Variants in LAMA2 observed in about 807,000 individuals in gnomAD.
The protein encoded by LAMA2 is laminin subunit alpha-2.
LAMA2 carries 269 observed loss-of-function variants against 364.8 expected under a neutral mutation model. That is an observed-to-expected ratio of 0.74 (90% CI 0.67 to 0.82). LAMA2 has a LOEUF of 0.82. Ranked by LOEUF, LAMA2 falls within the 40% of genes least tolerant of loss-of-function variation. The pLI is 0.00. For missense variants in LAMA2, 3,807 were observed against 3,873.2 expected, an observed-to-expected ratio of 0.98 and a Z score of 0.45; for synonymous variants, 1,379 against 1,370.6, an observed-to-expected ratio of 1.01 and a Z score of -0.14.
At chr6:129,485,156 A>C (rs961529045) in intron 55 of LAMA2, among the ~76,000 whole-genome samples, 1 of 152,164 alleles carries the variant, frequency 6.6e-6, no homozygotes, top group Non-Finnish European at 1.5e-5. Flanking sequence ...AGAATACCAG[A>C]TCAAATATTC....
At chr6:129,143,400 T>G (rs1778244846) in intron 4 of LAMA2, among the ~76,000 whole-genome samples, 1 of 152,060 alleles carries the variant, frequency 6.6e-6, no homozygotes, top group Admixed American at 6.6e-5. Context: ...TTGTCTAGTT[T>G]TCCTTGTAAT....
chr6:129,327,190 G>A (rs751250603), intron 28 of LAMA2, among the ~76,000 whole-genome samples: 2 of 152,072 alleles, frequency 1.3e-5, no homozygotes, highest in Non-Finnish European at 2.9e-5. Flanking sequence ...GTGCTTAATT[G>A]AAGTACTTTT....
chr6:129,183,783 T>C (rs1781070296), intron 10 of LAMA2, among the ~76,000 whole-genome samples: 1 of 151,886 alleles, frequency 6.6e-6, no homozygotes, highest in South Asian at 2.1e-4. Context: ...TCTTTTCTTT[T>C]ATGATCTCAT....
intron 35 of LAMA2, among the ~76,000 whole-genome samples, chr6:129,385,556 A>T (rs1292951425): frequency 6.6e-6 from 1 of 152,142 alleles, no homozygotes; most frequent in Non-Finnish European, 1.5e-5. Context: ...GTTTGGATAG[A>T]TGTACTATTC....
At chr6:129,363,253 A>AG (rs1777571014) in intron 32 of LAMA2, among the ~76,000 whole-genome samples, 1 of 152,166 alleles carries the variant, frequency 6.6e-6, no homozygotes, top group African/African-American at 2.4e-5. Flanking sequence ...GCAGTGAGTC[A>AG]TGATCACACC....
chr6:129,354,062 G>A (rs370979438), intron 32 of LAMA2, among the ~76,000 whole-genome samples: 2 of 152,118 alleles, frequency 1.3e-5, no homozygotes, highest in Non-Finnish European at 1.5e-5. Flanking sequence ...AGGAAGGAGT[G>A]CTCTTCTATA....
At chr6:129,394,022 T>C (rs1362668756) in intron 37 of LAMA2, among the ~76,000 whole-genome samples, 1 of 152,232 alleles carries the variant, frequency 6.6e-6, no homozygotes, top group East Asian at 1.9e-4. Context: ...GAACTAGAAC[T>C]AAAACAGATT....
At chr6:129,116,309 GT>G (rs913122521) in intron 4 of LAMA2, among the ~76,000 whole-genome samples, 9 of 152,210 alleles carry the variant, frequency 5.9e-5, no homozygotes, top group Admixed American at 3.9e-4. Flanking sequence ...TTGTTCGAAA[GT>G]TGTTCAAAAT....
intron 56 of LAMA2, among the ~76,000 whole-genome samples, chr6:129,487,719 G>A (rs1267638741): frequency 6.6e-6 from 1 of 152,098 alleles, no homozygotes. Context: ...TTATTATTAG[G>A]TAGAGGATTA....
intron 39 of LAMA2, 99 bp from the exon 40 acceptor site, chr6:129,403,722 G>A: frequency 9.4e-7 from 1 of 1,064,162 alleles, no homozygotes; most frequent in Admixed American, 1.7e-5. Flanking sequence ...AGATATATTG[G>A]CCATGATCAT....
chr6:128,904,920 C>T (rs1450923923), intron 1 of LAMA2, among the ~76,000 whole-genome samples: 1 of 152,168 alleles, frequency 6.6e-6, no homozygotes, highest in African/African-American at 2.4e-5. Context: ...TGGGAGATAA[C>T]AGAATAACGT....
chr6:129,225,831 C>T (rs1784222941), intron 12 of LAMA2, among the ~76,000 whole-genome samples: 1 of 152,190 alleles, frequency 6.6e-6, no homozygotes, highest in Non-Finnish European at 1.5e-5. Context: ...GTGGAGAGTT[C>T]TGCAAATGTC....
intron 57 of LAMA2, 99 bp downstream of exon 57, chr6:129,492,176 G>T: frequency 1.4e-6 from 2 of 1,396,366 alleles, no homozygotes; most frequent in East Asian, 4.6e-5. Context: ...ATGCAGGGGA[G>T]GAGGGAAACA....
chr6:129,292,703 C>A, intron 20 of LAMA2: 2 of 577,858 alleles, frequency 3.5e-6, no homozygotes, highest in Non-Finnish European at 4.4e-6. Context: ...GTCAAACTGG[C>A]CTTACTGTAG....
intron 40 of LAMA2, among the ~76,000 whole-genome samples, chr6:129,418,215 G>T (rs1780898512): frequency 6.6e-6 from 1 of 152,116 alleles, no homozygotes; most frequent in Admixed American, 6.5e-5. Flanking sequence ...AGAAAAGAAA[G>T]TCTTTAGAAT....
chr6:129,401,936 G>A (rs771862072), intron 38 of LAMA2, among the ~76,000 whole-genome samples: 18 of 152,112 alleles, frequency 1.2e-4, no homozygotes, highest in African/African-American at 3.9e-4. Flanking sequence ...GGCCAGGCAC[G>A]GTGGCTCATG....
intron 3 of LAMA2, among the ~76,000 whole-genome samples, chr6:129,083,406 C>T (rs1774185854): frequency 6.6e-6 from 1 of 152,188 alleles, no homozygotes; most frequent in Non-Finnish European, 1.5e-5. Flanking sequence ...CAGCCAGTAT[C>T]ATGAGAGCCC....
intron 51 of LAMA2, among the ~76,000 whole-genome samples, chr6:129,466,447 A>G (rs968563526): frequency 6.6e-6 from 1 of 151,928 alleles, no homozygotes. Context: ...AGAGAATAAC[A>G]CATCCTTTTC....
At position 129,071,180 on chromosome 6, in the gene LAMA2, C is replaced by T. The variant is rs143236363; in HGVS notation, c.396+11284C>T. Among the ~76,000 whole-genome samples the T allele has an allele frequency of 4.4e-3, 674 of 152,288 alleles. 7 individuals carry two copies. Among genetic ancestry groups the T allele is most frequent in the African/African-American group, 0.015 (642 of 41,554 alleles). On this transcript the variant is annotated intron_variant, in intron 3 of 64. Transcript: ENST00000421865. ...TTGGGCTTTTCAAGAAATTGATCCA[C>T]TTACCTAATTTTTCAAATATATCGA...
Sources: gnomAD v4.1 joint callset for allele counts (sites outside exome capture counted in the v4.1 genomes callset) on GRCh38, gnomAD v4.1.1 for gene constraint, MANE v1.5 for transcripts, NCBI Gene and HGNC (gene_info 2026-07-23, HGNC 2026-07-21) for gene names.